Variants in DAB1 observed in about 807,000 individuals in gnomAD.
DAB1 encodes DAB adaptor protein 1, also known as disabled homolog 1.
A neutral mutation model predicts 64.6 loss-of-function variants in DAB1; 15 were observed. The observed-to-expected ratio is 0.23, with a 90% CI of 0.16 to 0.36. DAB1 has a LOEUF of 0.36. Among genes scored for constraint, DAB1 ranks in the 10% least tolerant of loss-of-function variants. DAB1 has a pLI of 1.00. For missense variants in DAB1, 596 were observed against 706.7 expected (o/e 0.84, Z 1.78); for synonymous variants, 235 against 251.9 (o/e 0.93, Z 0.64).
At chr1:58,175,803 T>C (rs997128368) in intron 4 of DAB1, among the ~76,000 whole-genome samples, 2 of 152,230 alleles carry the variant, frequency 1.3e-5, no homozygotes, top group African/African-American at 2.4e-5. Flanking sequence ...CAGTAGTTCT[T>C]CTGGTTCCAA....
chr1:57,717,723 C>T (rs549932020), intron 6 of DAB1, among the ~76,000 whole-genome samples: 29 of 152,008 alleles, frequency 1.9e-4, no homozygotes, highest in African/African-American at 6.5e-4. Context: ...TATAAATATA[C>T]ATATTTATGT....
intron 4 of DAB1, among the ~76,000 whole-genome samples, chr1:57,131,149 G>T (rs1657620442): frequency 6.6e-6 from 1 of 152,152 alleles, no homozygotes; most frequent in African/African-American, 2.4e-5. Flanking sequence ...GTCAAGTTGA[G>T]AATCTCTGAA....
chr1:58,070,687 G>A lies in DAB1; in HGVS notation n.387+79824C>T, dbSNP rs988978543. Reference sequence around the variant, plus strand: ...AGGCCTGTGGCTAGGATAGGCATGCGAGGAGTGGCTAGACTCGGGACTCAT... The same window carrying A: ...AGGCCTGTGGCTAGGATAGGCATGCAAGGAGTGGCTAGACTCGGGACTCAT... On this transcript the variant is annotated intron_variant and non_coding_transcript_variant, in intron 5 of 20. Coordinates refer to the DAB1 transcript ENST00000485760. Among the ~76,000 whole-genome samples the A allele has an allele frequency of 4.6e-5, 7 of 152,180 alleles. No homozygotes were observed. In the South Asian group the frequency reaches 6.2e-4, roughly 14 times the overall value.
intron 3 of DAB1, among the ~76,000 whole-genome samples, chr1:58,409,511 GCTCT>G (rs1644647167): frequency 6.6e-6 from 1 of 152,224 alleles, no homozygotes; most frequent in South Asian, 2.1e-4. Context: ...GAAGCAGTGA[GCTCT>G]CTGTTGTTAT....
intron 3 of DAB1, among the ~76,000 whole-genome samples, chr1:58,373,425 T>C (rs868253210): frequency 6.7e-6 from 1 of 149,674 alleles, no homozygotes; most frequent in African/African-American, 2.4e-5. Flanking sequence ...ATGCGGTGTT[T>C]GGTTTTTTGT....
At chr1:57,744,184 G>C (rs957611392) in intron 6 of DAB1, among the ~76,000 whole-genome samples, 5 of 152,188 alleles carry the variant, frequency 3.3e-5, no homozygotes, top group Admixed American at 3.3e-4. Context: ...AGAAGCAGGT[G>C]AAACCACTGG....
At chr1:58,177,432 GA>G (rs889034659) in intron 4 of DAB1, among the ~76,000 whole-genome samples, 8 of 151,354 alleles carry the variant, frequency 5.3e-5, no homozygotes, top group African/African-American at 1.9e-4. Flanking sequence ...TCAGATGAAA[GA>G]AAAAAAATAA....
intron 5 of DAB1, among the ~76,000 whole-genome samples, chr1:57,998,164 A>G (rs780435963): frequency 3.9e-5 from 6 of 152,186 alleles, no homozygotes; most frequent in Non-Finnish European, 7.3e-5. Flanking sequence ...AAACACACGT[A>G]GGTATAGGAC....
intron 2 of DAB1, among the ~76,000 whole-genome samples, chr1:57,283,021 T>C (rs2100637184): frequency 6.6e-6 from 1 of 152,348 alleles, no homozygotes; most frequent in South Asian, 2.1e-4. Flanking sequence ...TCAGGGAAGA[T>C]AGTACAGACT....
intron 3 of DAB1, among the ~76,000 whole-genome samples, chr1:58,404,686 C>A (rs539052905): frequency 6.6e-6 from 1 of 152,300 alleles, no homozygotes; most frequent in Non-Finnish European, 1.5e-5. Context: ...TCTCAGGGAC[C>A]CTAAGGATCT....
Position 58,534,306 on chromosome 1 carries a change from A to G in DAB1, n.33-6971T>C, listed in dbSNP as rs140683681. 9.5e-4 allele frequency: 813 copies of G among 856,292 alleles called. 11 individuals carry two copies. Among genetic ancestry groups the G allele is most frequent in the South Asian group, 5.8e-3 (420 of 72,392 alleles). 53.0% of individuals were successfully genotyped at this position (856,292 alleles called of 1,614,324 possible). A position where few individuals can be genotyped will look rare whatever the true frequency, so the allele number is the denominator to read the frequency against. On this transcript the variant is annotated intron_variant and non_coding_transcript_variant, in intron 1 of 20. Coordinates refer to the DAB1 transcript ENST00000485760. ...GTATCGGGCATCTTTCTCAGTTAGC[A>G]TATCATTTTTAAATTCTTCCATCCA...
chr1:57,005,193 C>A (rs1044907627), intron 14 of DAB1, among the ~76,000 whole-genome samples: 3 of 152,124 alleles, frequency 2.0e-5, no homozygotes, highest in African/African-American at 7.2e-5. Flanking sequence ...GGCAACTGTG[C>A]ATGTTCTGAA....
chr1:57,563,448 C>T (rs1645076921), intron 7 of DAB1, among the ~76,000 whole-genome samples: 1 of 152,114 alleles, frequency 6.6e-6, no homozygotes, highest in African/African-American at 2.4e-5. Flanking sequence ...GGGTGCAGGA[C>T]AGTGGGTGCA....
Position 57,515,639 on chromosome 1 carries a change from T to A in DAB1, n.625+133953A>T, listed in dbSNP as rs114753217. On this transcript the variant is annotated intron_variant and non_coding_transcript_variant, in intron 7 of 20. Transcript: ENST00000485760. ...TCAACCAGATTGCTGCTGGGAGGTGTCTGCCCCTGGGCTACCATGCCTGAT... is the reference window on the plus strand; with the variant it reads ...TCAACCAGATTGCTGCTGGGAGGTGACTGCCCCTGGGCTACCATGCCTGAT... 4.8e-3 allele frequency among the ~76,000 whole-genome samples: 732 copies of A among 152,360 alleles called. 6 individuals are homozygous for A. The highest frequency in any genetic ancestry group is 5.8e-3 in the Non-Finnish European group (395 of 68,028).
Position 57,319,226 on chromosome 1 carries a change from G to A in DAB1, c.-136-28060C>T, listed in dbSNP as rs115493640. ...AAACAGCTTGCTTGGGGATTGAAGC[G>A]GGGAACCATTGAGATGGGCACCTTC... On this transcript the variant is annotated intron_variant, in intron 1 of 14. Coordinates refer to ENST00000371236, the MANE Select transcript of DAB1 (RefSeq NM_001365792.1). Among the ~76,000 whole-genome samples the A allele has an allele frequency of 2.1e-3, 320 of 152,288 alleles. 6 individuals are homozygous for A. Among genetic ancestry groups the A allele is most frequent in the Non-Finnish European group, 1.2e-3 (82 of 68,028 alleles).
intron 5 of DAB1, among the ~76,000 whole-genome samples, chr1:58,054,315 A>G (rs1647913347): frequency 6.6e-6 from 1 of 152,232 alleles, no homozygotes; most frequent in African/African-American, 2.4e-5. Flanking sequence ...CAGTGCAAAG[A>G]GTTCTTTCTA....
chr1:58,125,871 G>T (rs148947160), intron 5 of DAB1, among the ~76,000 whole-genome samples: 22 of 152,244 alleles, frequency 1.4e-4, no homozygotes, highest in African/African-American at 4.3e-4. Flanking sequence ...GGCGTGACTG[G>T]TTTATGACAG....
At chr1:57,739,920 C>T (rs908241858) in intron 6 of DAB1, among the ~76,000 whole-genome samples, 2 of 151,716 alleles carry the variant, frequency 1.3e-5, no homozygotes, top group Admixed American at 6.6e-5. Flanking sequence ...TTCAGCCAGG[C>T]GTGGTCGCTC....
At position 57,057,391 on chromosome 1, in the gene DAB1, A is replaced by G. The variant is rs964243267; in HGVS notation, c.723+5493T>C. Among the ~76,000 whole-genome samples, 5 of 152,280 alleles carry G rather than the reference A, an allele frequency of 3.3e-5. No individual in the cohort carries two copies. In the South Asian group the frequency reaches 6.2e-4, roughly 19 times the overall value. Reference sequence around the variant, plus strand: ...ATTTTTAAAAAGAAAGTCTGTAGCCAAATGTAGTTTGAGAAATGGACTATG... The same window carrying G: ...ATTTTTAAAAAGAAAGTCTGTAGCCGAATGTAGTTTGAGAAATGGACTATG... On this transcript the variant is annotated intron_variant, in intron 9 of 14. Transcript: ENST00000371236.
Sources: allele counts gnomAD v4.1 joint callset (sites outside exome capture counted in the v4.1 genomes callset), GRCh38; gene constraint gnomAD v4.1.1; transcripts MANE v1.5; gene names NCBI Gene and HGNC (gene_info 2026-07-23, HGNC 2026-07-21).